GAB1: variants seen among roughly 807,000 people sequenced by gnomAD.
The protein encoded by GAB1 is GRB2-associated-binding protein 1.
In GAB1, 19 loss-of-function variants were observed where a neutral mutation model predicts 66.5. That is an observed-to-expected ratio of 0.29 (90% CI 0.20 to 0.42). The LOEUF (loss-of-function observed/expected upper bound fraction) is 0.42, where lower values mean the gene tolerates loss of function less well. GAB1 is among the 10% of genes least tolerant of loss of function. GAB1 has a pLI of 1.00. For synonymous variants in GAB1, 294 were observed against 301.4 expected, an observed-to-expected ratio of 0.98 and a Z score of 0.25; for missense variants, 732 against 858.5, an observed-to-expected ratio of 0.85 and a Z score of 1.84.
intron 2 of GAB1, chr4:143,417,499 C>T (rs1732754485): frequency 2.8e-6 from 1 of 353,552 alleles, no homozygotes; most frequent in Non-Finnish European, 5.7e-6. Flanking sequence ...CCTCTGCCTC[C>T]CAGGTTCAAG....
rs574554706 is a variant in GAB1 at position 143,344,595 on chromosome 4, A to G, written c.72+7335A>G. On this transcript the variant is annotated intron_variant, in intron 1 of 9. Transcript: ENST00000262994. ...GTGGCCCATTGTACTGTGGATTTCC[A>G]TATTTATTAAATAACTAGGCTCTTC... Among the ~76,000 whole-genome samples the G allele has an allele frequency of 3.1e-3, 479 of 152,250 alleles. 1 individual carries two copies. The highest frequency in any genetic ancestry group is 5.1e-3 in the Non-Finnish European group (347 of 68,020).
chr4:143,355,980 C>G (rs573333611), intron 1 of GAB1, among the ~76,000 whole-genome samples: 1 of 152,066 alleles, frequency 6.6e-6, no homozygotes, highest in South Asian at 2.1e-4. Context: ...TTCTGTTCTG[C>G]TGAACATGAA....
intron 2 of GAB1, among the ~76,000 whole-genome samples, chr4:143,427,306 G>C (rs79474539): frequency 0.027 from 4,141 of 152,236 alleles, 106 homozygotes; most frequent in South Asian, 0.1. Flanking sequence ...GAAAACAGCA[G>C]TCAGATCCCC....
intron 6 of GAB1, among the ~76,000 whole-genome samples, chr4:143,446,339 G>T (rs1033757114): frequency 2.0e-5 from 3 of 152,214 alleles, no homozygotes; most frequent in Non-Finnish European, 2.9e-5. Context: ...AAATGGTATT[G>T]CTAGTTCCAG....
intron 2 of GAB1, chr4:143,426,060 C>T: frequency 1.8e-6 from 1 of 570,234 alleles, no homozygotes; most frequent in East Asian, 2.9e-5. Flanking sequence ...GTTAGATGAG[C>T]TATGAAGACT....
intron 1 of GAB1, among the ~76,000 whole-genome samples, chr4:143,412,632 C>T (rs901153743): frequency 6.6e-6 from 1 of 152,072 alleles, no homozygotes; most frequent in Admixed American, 6.6e-5. Context: ...GTAATAGGAT[C>T]TCTAAAACTA....
At position 143,460,479 on chromosome 4, in the gene GAB1, G is replaced by A; in HGVS notation, c.1795G>A (p.Glu599Lys). ...YVPMNPNLSS[E>K]DPNLFGSNSL... The stretch of plus-strand genomic sequence containing the variant: ...TCCCATGAACCCAAACCTGTCCAGT[G>A]AAGACCCAGTATGTAAAGTTTTAAC... The change falls in exon 8 of 10, where the codon GAA (glutamate) becomes AAA (lysine). Residue 599 changes from glutamate (E) to lysine (K), a missense_variant. Physicochemically the swap from Glu to Lys is moderately conservative, Grantham distance 56 (BLOSUM62 1). Transcript: ENST00000262994. 1.2e-6 allele frequency: 2 copies of A among 1,613,620 alleles called. No individual in the cohort carries two copies. Among genetic ancestry groups the A allele is most frequent in the Non-Finnish European group, 1.7e-6 (2 of 1,179,716 alleles).
intron 3 of GAB1, 65 bp downstream of exon 3, chr4:143,433,781 T>G (rs1733800552): frequency 1.5e-6 from 2 of 1,292,448 alleles, no homozygotes; most frequent in Non-Finnish European, 2.2e-6. Flanking sequence ...ACACTGAGAT[T>G]CTTACCTTTA....
At chr4:143,396,767 G>A (rs751821539) in intron 1 of GAB1, among the ~76,000 whole-genome samples, 1 of 152,160 alleles carries the variant, frequency 6.6e-6, no homozygotes, top group African/African-American at 2.4e-5. Flanking sequence ...GGGGTTGAGG[G>A]ACAGAGGAAG....
intron 1 of GAB1, among the ~76,000 whole-genome samples, chr4:143,339,892 C>A (rs1728771378): frequency 6.6e-6 from 1 of 152,186 alleles, no homozygotes; most frequent in African/African-American, 2.4e-5. Context: ...CTAGGATTTT[C>A]TTTGCCTGGT....
intron 1 of GAB1, among the ~76,000 whole-genome samples, chr4:143,387,353 ACTCCCAACC>A (rs1730967282): frequency 3.3e-5 from 5 of 152,150 alleles, no homozygotes; most frequent in Non-Finnish European, 5.9e-5. Flanking sequence ...CTGGTCTCAA[ACTCCCAACC>A]TCAGGTGATC....
intron 1 of GAB1, among the ~76,000 whole-genome samples, chr4:143,341,795 G>A (rs1728832437): frequency 6.6e-6 from 1 of 152,218 alleles, no homozygotes; most frequent in African/African-American, 2.4e-5. Flanking sequence ...GGCAGGCCAA[G>A]TGTCAGCATC....
chr4:143,433,737 T>TGA (rs1578708535), intron 3 of GAB1, 21 bp downstream of exon 3: 1 of 1,564,434 alleles, frequency 6.4e-7, no homozygotes, highest in East Asian at 2.2e-5. Context: ...TATGCCCATG[T>TGA]GAGAGAGAGA....
At chr4:143,459,359 ATC>A (rs1735365533) in intron 6 of GAB1, 24 bp from the exon 7 acceptor site, 2 of 1,371,646 alleles carry the variant, frequency 1.5e-6, no homozygotes, top group South Asian at 1.2e-5. Context: ...TATACTAAAA[ATC>A]TCTTTTTCTC....
At chr4:143,345,849 C>T (rs554210048) in intron 1 of GAB1, among the ~76,000 whole-genome samples, 1 of 152,270 alleles carries the variant, frequency 6.6e-6, no homozygotes, top group South Asian at 2.1e-4. Context: ...GAAACGAAAT[C>T]CTGGACATAA....
chr4:143,341,254 A>G (rs1020136280), intron 1 of GAB1, among the ~76,000 whole-genome samples: 3 of 152,186 alleles, frequency 2.0e-5, no homozygotes, highest in African/African-American at 7.2e-5. Flanking sequence ...TGTCACTAGG[A>G]TTACAGAAAA....
At chr4:143,443,758 G>T (rs1168431839) in intron 6 of GAB1, among the ~76,000 whole-genome samples, 2 of 152,120 alleles carry the variant, frequency 1.3e-5, no homozygotes, top group Non-Finnish European at 2.9e-5. Flanking sequence ...TCTTTGGAAG[G>T]ATCTATAAGA....
At chr4:143,367,723 T>TTA (rs1729946395) in intron 1 of GAB1, among the ~76,000 whole-genome samples, 1 of 143,050 alleles carries the variant, frequency 7.0e-6, no homozygotes, top group Admixed American at 6.9e-5. Flanking sequence ...ATGAGGGTTT[T>TTA]TTTTTTTTTT....
chr4:143,433,158 A>T (rs1297847425), intron 2 of GAB1, among the ~76,000 whole-genome samples: 1 of 152,200 alleles, frequency 6.6e-6, no homozygotes, highest in Non-Finnish European at 1.5e-5. Context: ...CTTCATTATC[A>T]TGGAGTTTTA....
Sources: gnomAD v4.1 joint callset for allele counts (sites outside exome capture counted in the v4.1 genomes callset) on GRCh38, gnomAD v4.1.1 for gene constraint, MANE v1.5 for transcripts, NCBI Gene and HGNC (gene_info 2026-07-23, HGNC 2026-07-21) for gene names.